NOL4L: variants seen among roughly 807,000 people sequenced by gnomAD.
NOL4L encodes the protein nucleolar protein 4-like.
NOL4L carries 7 observed loss-of-function variants against 64.5 expected under a neutral mutation model. That is an observed-to-expected ratio of 0.11 (90% CI 0.06 to 0.20). NOL4L has a LOEUF of 0.20. Among genes scored for constraint, NOL4L ranks in the 10% least tolerant of loss-of-function variants. NOL4L has a pLI of 1.00. For synonymous variants in NOL4L, 413 were observed against 401.0 expected, an observed-to-expected ratio of 1.03 and a Z score of -0.36; for missense variants, 680 against 967.1, an observed-to-expected ratio of 0.70 and a Z score of 3.94.
chr20:32,470,213 G>C (rs1037298007), intron 5 of NOL4L, among the ~76,000 whole-genome samples: 1 of 152,258 alleles, frequency 6.6e-6, no homozygotes, highest in Admixed American at 6.5e-5. Flanking sequence ...CTGGAGGCCA[G>C]ACGGGCCTCA....
chr20:32,581,278 C>T (rs563064614), intron 1 of NOL4L, among the ~76,000 whole-genome samples: 2 of 152,206 alleles, frequency 1.3e-5, no homozygotes, highest in Non-Finnish European at 2.9e-5. Flanking sequence ...GCCCCACCCC[C>T]ACTTGGGCCC....
At chr20:32,483,868 A>AG (rs1034314161) in intron 4 of NOL4L, among the ~76,000 whole-genome samples, 7 of 64,658 alleles carry the variant, frequency 1.1e-4, no homozygotes, top group East Asian at 5.3e-4. Flanking sequence ...TGGGCCAGGT[A>AG]GGGGGGGATA....
intron 6 of NOL4L, among the ~76,000 whole-genome samples, chr20:32,454,236 G>C (rs766911171): frequency 6.6e-5 from 10 of 152,248 alleles, no homozygotes; most frequent in Non-Finnish European, 1.3e-4. Context: ...TGTCACCAAA[G>C]CAACGAGCAT....
In NOL4L at chr20:32,453,017, A is replaced by C. The variant is rs761664909; in HGVS notation, c.1498-11T>G. 3.1e-6 allele frequency: 5 copies of C among 1,612,638 alleles called. No homozygotes were observed. In the Admixed American group the frequency reaches 8.3e-5, roughly 27 times the overall value. Reference sequence around the variant, plus strand: ...TGGCGTGGGTCTGGTCTGCAGGCAGAACGGGGATGGAGCTAGCATGGGGCC... The same window carrying C: ...TGGCGTGGGTCTGGTCTGCAGGCAGCACGGGGATGGAGCTAGCATGGGGCC... On this transcript the variant is annotated splice_polypyrimidine_tract_variant and intron_variant, in intron 8 of 10. Coordinates refer to ENST00000621426, the MANE Select transcript of NOL4L (RefSeq NM_001256798.2). This position sits in a 1 kb window ranked among gnomAD's most constrained non-coding sequence, Gnocchi z 5.6.
intron 4 of NOL4L, among the ~76,000 whole-genome samples, chr20:32,509,443 A>G (rs1339991905): frequency 5.6e-5 from 8 of 142,618 alleles, no homozygotes; most frequent in Non-Finnish European, 1.0e-4. Flanking sequence ...ACTTGAACCC[A>G]GGAGGCAGAA....
chr20:32,457,585 C>T (rs2013670189), intron 5 of NOL4L, among the ~76,000 whole-genome samples: 1 of 152,202 alleles, frequency 6.6e-6, no homozygotes, highest in Non-Finnish European at 1.5e-5. Flanking sequence ...CAATTGCTGG[C>T]CTCCCGGCTG....
chr20:32,502,810 C>A (rs983738519), intron 4 of NOL4L, among the ~76,000 whole-genome samples: 16 of 152,058 alleles, frequency 1.1e-4, no homozygotes, highest in Non-Finnish European at 2.1e-4. Context: ...ACTCGGGAGG[C>A]TGAGGCAGGA....
chr20:32,492,658 G>A (rs575371647), intron 4 of NOL4L, among the ~76,000 whole-genome samples: 6 of 152,226 alleles, frequency 3.9e-5, no homozygotes, highest in Non-Finnish European at 8.8e-5. Flanking sequence ...GTCGATTACT[G>A]CAACCCACTG....
chr20:32,522,308 T>G (rs555720338), intron 2 of NOL4L, among the ~76,000 whole-genome samples: 2 of 152,386 alleles, frequency 1.3e-5, no homozygotes, highest in East Asian at 3.9e-4. Context: ...GGCTCCTTGA[T>G]GAGTTATCTC....
At chr20:32,538,312 G>C (rs1429631751) in intron 1 of NOL4L, among the ~76,000 whole-genome samples, 1 of 152,154 alleles carries the variant, frequency 6.6e-6, no homozygotes, top group African/African-American at 2.4e-5. Context: ...TCAGGCCCAG[G>C]GTTGGGGGGT....
At chr20:32,499,600 A>T (rs544432532) in intron 4 of NOL4L, among the ~76,000 whole-genome samples, 1 of 151,962 alleles carries the variant, frequency 6.6e-6, no homozygotes, top group African/African-American at 2.4e-5. Flanking sequence ...TTAGCCGGGC[A>T]TGGTGGCAGG....
rs914019258 is a variant in NOL4L at position 32,445,767 on chromosome 20, T to TAACA, written c.*1828_*1829insTGTT. The TAACA allele has an allele frequency of 3.3e-5, 5 of 152,218 alleles. No individual in the cohort carries two copies. The highest frequency in any genetic ancestry group is 1.2e-4 in the African/African-American group (5 of 41,352). The allele number at this position is 152,218 out of a possible 1,614,324, so 9.4% of individuals were successfully genotyped here. On this transcript the variant is annotated 3_prime_UTR_variant, in exon 11 of 11. Transcript: ENST00000621426. ...GGGGTATTGGAGGCCACTTGAGAGATAACGACCACCCCCAACCTCTAGGGG... is the reference window on the plus strand; with the variant it reads ...GGGGTATTGGAGGCCACTTGAGAGATAACAAACGACCACCCCCAACCTCTAGGGG...
intron 1 of NOL4L, among the ~76,000 whole-genome samples, chr20:32,576,823 A>G (rs1980141113): frequency 6.6e-6 from 1 of 152,242 alleles, no homozygotes; most frequent in Non-Finnish European, 1.5e-5. Flanking sequence ...GTCTCCCACA[A>G]GGCTGGGTCT....
At chr20:32,571,947 G>A (rs1407987792) in intron 1 of NOL4L, among the ~76,000 whole-genome samples, 1 of 152,204 alleles carries the variant, frequency 6.6e-6, no homozygotes, top group East Asian at 1.9e-4. Context: ...ATCTTTGGGG[G>A]ATCCCTGAGG....
chr20:32,571,001 C>T (rs1417197999), intron 1 of NOL4L, among the ~76,000 whole-genome samples: 1 of 152,094 alleles, frequency 6.6e-6, no homozygotes, highest in Non-Finnish European at 1.5e-5. Context: ...GTCCAAGCCA[C>T]ACAGCGACTA....
At chr20:32,578,138 A>AGGAAGGAAGGAGGGAGGGAGGGAG (rs1211282817) in intron 1 of NOL4L, among the ~76,000 whole-genome samples, 16 of 50,230 alleles carry the variant, frequency 3.2e-4, no homozygotes, top group African/African-American at 1.6e-3. Context: ...GAAGGAAGGA[A>AGGAAGGAAGGAGGGAGGGAGGGAG]GGAGGGAGGG....
At chr20:32,482,953 G>A (rs2015830466) in intron 4 of NOL4L, among the ~76,000 whole-genome samples, 1 of 151,308 alleles carries the variant, frequency 6.6e-6, no homozygotes, top group Non-Finnish European at 1.5e-5. Flanking sequence ...CCGAGCGGCC[G>A]TGGCACAATA....
intron 1 of NOL4L, among the ~76,000 whole-genome samples, chr20:32,569,197 A>G (rs1165453837): frequency 2.0e-5 from 3 of 152,098 alleles, no homozygotes; most frequent in African/African-American, 4.8e-5. Flanking sequence ...CTCCCTGAGG[A>G]GGTGACATTT....
chr20:32,543,383 G>T (rs2018685836), intron 1 of NOL4L, among the ~76,000 whole-genome samples: 1 of 152,208 alleles, frequency 6.6e-6, no homozygotes, highest in Non-Finnish European at 1.5e-5. Context: ...ACTTTGGGAG[G>T]CCCAGGTGGG....
Sources: allele counts gnomAD v4.1 joint callset (sites outside exome capture counted in the v4.1 genomes callset), GRCh38; gene constraint gnomAD v4.1.1; non-coding constraint Gnocchi (gnomAD v3.1); transcripts MANE v1.5; gene names NCBI Gene and HGNC (gene_info 2026-07-23, HGNC 2026-07-21).